LYST: variants seen among roughly 807,000 people sequenced by gnomAD.
LYST encodes lysosomal-trafficking regulator.
In LYST, 192 loss-of-function variants were observed where a neutral mutation model predicts 413.6. The observed-to-expected ratio is 0.46, with a 90% CI of 0.41 to 0.52. LYST has a LOEUF of 0.52. LYST is among the 20% of genes least tolerant of loss of function. LYST has a pLI of 0.00. For missense variants in LYST, 3,815 were observed against 4,499.9 expected (o/e 0.85, Z 4.35); for synonymous variants, 1,525 against 1,567.3 (o/e 0.97, Z 0.64).
At chr1:235,761,016 G>A (rs944061643) in intron 22 of LYST, among the ~76,000 whole-genome samples, 1 of 152,154 alleles carries the variant, frequency 6.6e-6, no homozygotes, top group Non-Finnish European at 1.5e-5. Context: ...CACTTTGGGA[G>A]GCAGAGGTGG....
chr1:235,707,279 A>C (rs1202327317), intron 44 of LYST, among the ~76,000 whole-genome samples: 1 of 152,108 alleles, frequency 6.6e-6, no homozygotes, highest in Non-Finnish European at 1.5e-5. Flanking sequence ...TTTCCTGAAG[A>C]GGTAAGATTT....
At chr1:235,833,557 T>C (rs1676225862) in intron 2 of LYST, 21 bp downstream of exon 2, 3 of 585,704 alleles carry the variant, frequency 5.1e-6, no homozygotes, top group South Asian at 1.5e-4. Flanking sequence ...ATGGTTAATA[T>C]TTATTACATT....
In LYST at chr1:235,791,931, C is replaced by T. The variant is rs746189811; in HGVS notation, c.4311G>A (p.Glu1437=). 1 of 1,614,130 alleles carries T rather than the reference C, an allele frequency of 6.2e-7. No homozygotes were observed. The highest frequency in any genetic ancestry group is 1.1e-5 in the South Asian group (1 of 91,082). ...GATGGGGAAAACTCTCTCTATCAGC[C>T]TCTTTCTTGCTCCGTGAAACTCGTG... ...RRARVSRSKK[E]ADRESFPHRL... is the part of the protein sequence containing the mutation. The change falls in exon 12 of 53, where the codon GAG becomes GAA. Residue 1437 remains glutamate (E), a synonymous_variant. Transcript: ENST00000389793.
intron 3 of LYST, among the ~76,000 whole-genome samples, chr1:235,819,112 C>T (rs941073164): frequency 6.6e-6 from 1 of 152,202 alleles, no homozygotes; most frequent in Non-Finnish European, 1.5e-5. Context: ...GTTTTGGCCC[C>T]TCTGCTGGAA....
intron 1 of LYST, among the ~76,000 whole-genome samples, chr1:235,863,188 T>G (rs933380427): frequency 1.3e-5 from 2 of 151,914 alleles, no homozygotes; most frequent in Non-Finnish European, 2.9e-5. Flanking sequence ...GTCAGGAGAT[T>G]GAGATCATCC....
In LYST at chr1:235,746,392, A is replaced by G. The variant is rs915990956; in HGVS notation, c.7916T>C (p.Leu2639Pro). 6.2e-7 allele frequency: 1 copy of G among 1,613,970 alleles called. No individual in the cohort carries two copies. Among genetic ancestry groups the G allele is most frequent in the Non-Finnish European group, 8.5e-7 (1 of 1,179,930 alleles). The change falls in exon 29 of 53, where the codon CTT becomes CCT. Residue 2639 changes from leucine (L) to proline (P), a missense_variant. Leu to Pro is a moderately conservative substitution (Grantham distance 98). Around this residue, in one of 4 missense-constraint regions of LYST, gnomAD observed 771 missense variants for 837.1 expected, o/e 0.92. Transcript: ENST00000389793. The part of the protein sequence containing the change: ...ENPSQATETE[L>P]AQRLQRLTVL... ...AGTGAGCCTCTGTAGTCTCTGCGCA[A>G]GTTCCGTTTCAGTTGCTTGGCTAGG... is the stretch of plus-strand genomic sequence containing the variant.
intron 46 of LYST, among the ~76,000 whole-genome samples, 177 bp downstream of exon 46, chr1:235,696,906 C>T (rs556548776): frequency 6.8e-4 from 103 of 152,298 alleles, no homozygotes; most frequent in African/African-American, 2.4e-3. Context: ...AATAGCACTG[C>T]ATTTAACTCT....
chr1:235,851,605 C>A (rs1383456878), intron 1 of LYST, among the ~76,000 whole-genome samples: 1 of 151,486 alleles, frequency 6.6e-6, no homozygotes, highest in Non-Finnish European at 1.5e-5. Context: ...AAGAATGATT[C>A]CTAACTAAAG....
intron 3 of LYST, among the ~76,000 whole-genome samples, chr1:235,819,845 A>G (rs1674561216): frequency 6.6e-6 from 1 of 152,060 alleles, no homozygotes; most frequent in Non-Finnish European, 1.5e-5. Context: ...ATGGGGTATC[A>G]CCGTGTTAGC....
intron 1 of LYST, among the ~76,000 whole-genome samples, chr1:235,842,781 T>TGA (rs1202111106): frequency 3.9e-5 from 6 of 152,234 alleles, no homozygotes; most frequent in African/African-American, 1.4e-4. Flanking sequence ...TTTCATTGAA[T>TGA]GAGACTTCCT....
At chr1:235,863,361 C>T (rs1307393496) in intron 1 of LYST, among the ~76,000 whole-genome samples, 2 of 151,856 alleles carry the variant, frequency 1.3e-5, no homozygotes, top group African/African-American at 4.8e-5. Context: ...CTCTACACTC[C>T]AGCCTGGGTG....
intron 1 of LYST, among the ~76,000 whole-genome samples, chr1:235,882,211 G>T (rs1444193281): frequency 6.6e-6 from 1 of 152,094 alleles, no homozygotes; most frequent in Non-Finnish European, 1.5e-5. Context: ...AGTTTGGCAG[G>T]CAGGACAAGA....
chr1:235,815,556 C>T (rs1280639526), intron 3 of LYST, among the ~76,000 whole-genome samples: 1 of 152,082 alleles, frequency 6.6e-6, no homozygotes, highest in African/African-American at 2.4e-5. Flanking sequence ...AGCTCAAAAG[C>T]TCCTAGATCT....
rs777613741 is a variant in LYST at position 235,751,997 on chromosome 1, A to C, written c.7627+8T>G. On this transcript the variant is annotated splice_region_variant and intron_variant, in intron 27 of 52. Coordinates refer to ENST00000389793, the MANE Select transcript of LYST (RefSeq NM_000081.4). ...TCCCTCCCCAAATTCATAAAAATTA[A>C]ATCTTACTTTGTGTCCTCTTGTTTT... 1.7e-5 allele frequency: 27 copies of C among 1,598,318 alleles called. No individual in the cohort carries two copies. The highest frequency in any genetic ancestry group is 2.1e-5 in the Non-Finnish European group (25 of 1,167,738).
At position 235,662,719 on chromosome 1, in the gene LYST, C is replaced by T. The variant is rs1658133014; in HGVS notation, c.*221G>A. 1.7e-6 allele frequency: 1 copy of T among 597,232 alleles called. No homozygotes were observed. The highest frequency in any genetic ancestry group is 3.0e-5 in the East Asian group (1 of 33,640). 37.0% of individuals were successfully genotyped at this position (597,232 alleles called of 1,614,324 possible). ...GAGGCTTAAAACTTGTTGGCTAGTG[C>T]ATATTGACACAATCTTCCAGATTAT... On this transcript the variant is annotated 3_prime_UTR_variant, in exon 53 of 53. Coordinates refer to ENST00000389793, the MANE Select transcript of LYST (RefSeq NM_000081.4).
chr1:235,874,887 G>GA (rs1424843446), intron 1 of LYST, among the ~76,000 whole-genome samples: 1 of 152,160 alleles, frequency 6.6e-6, no homozygotes, highest in African/African-American at 2.4e-5. Context: ...CGTGTGTCCA[G>GA]AAACAACTGA....
chr1:235,737,916 A>ATAGCGTTC lies in LYST; in HGVS notation c.8359-3258_8359-3257insGAACGCTA. On this transcript the variant is annotated intron_variant, in intron 31 of 52. Coordinates refer to ENST00000389793, the MANE Select transcript of LYST (RefSeq NM_000081.4). Reference sequence around the variant, plus strand: ...GAAGGTGCTGGAGCCGCTGCCGACGAGTCTGGATCTCACTGCCGCGTGCCC... The same window carrying ATAGCGTTC: ...GAAGGTGCTGGAGCCGCTGCCGACGATAGCGTTCGTCTGGATCTCACTGCCGCGTGCCC... 1.8e-5 allele frequency: 21 copies of ATAGCGTTC among 1,163,404 alleles called. No homozygotes were observed. The Admixed American group carries it at 2.2e-4, about 12-fold the overall frequency. The allele number at this position is 1,163,404 out of a possible 1,614,324, so 72.1% of individuals were successfully genotyped here.
upstream of LYST, among the ~76,000 whole-genome samples, chr1:235,867,225 C>T (rs971058379): frequency 2.6e-5 from 4 of 152,244 alleles, no homozygotes; most frequent in Non-Finnish European, 2.9e-5. Context: ...CAGGGCTCTG[C>T]GTAGTGGGCT....
At chr1:235,697,349 A>G in intron 45 of LYST, 77 bp from the exon 46 acceptor site, 1 of 1,081,170 alleles carries the variant, frequency 9.2e-7, no homozygotes, top group Non-Finnish European at 1.4e-6. Context: ...TAAGCTCTAA[A>G]CAAAGTAAGA....
Sources: gnomAD v4.1 joint callset for allele counts (sites outside exome capture counted in the v4.1 genomes callset) on GRCh38, gnomAD v4.1.1 for gene constraint, gnomAD v4.1.1 regional missense constraint, MANE v1.5 for transcripts, NCBI Gene and HGNC (gene_info 2026-07-23, HGNC 2026-07-21) for gene names.